Variants in RAB11FIP3 observed in about 807,000 individuals in gnomAD.
RAB11FIP3 encodes RAB11 family interacting protein 3, also known as rab11 family-interacting protein 3.
A neutral mutation model predicts 77.8 loss-of-function variants in RAB11FIP3; 17 were observed. The ratio of observed to expected loss-of-function variants is 0.22; its 90% CI spans 0.15 to 0.33. RAB11FIP3 has a LOEUF of 0.33. Among genes scored for constraint, RAB11FIP3 ranks in the 10% least tolerant of loss-of-function variants. The pLI, the probability that RAB11FIP3 is intolerant of heterozygous loss-of-function variation, is 1.00. For missense variants in RAB11FIP3, 1,005 were observed against 1,011.2 expected (o/e 0.99, Z 0.08); for synonymous variants, 437 against 448.2 (o/e 0.98, Z 0.31).
chr16:495,347 G>C (rs1402901329), intron 5 of RAB11FIP3, among the ~76,000 whole-genome samples: 2 of 152,192 alleles, frequency 1.3e-5, no homozygotes. Context: ...GGCGTGGTGG[G>C]GACACCACCG....
At chr16:496,899 G>A in intron 6 of RAB11FIP3, 40 bp downstream of exon 6, 1 of 1,506,130 alleles carries the variant, frequency 6.6e-7, no homozygotes, top group Non-Finnish European at 9.1e-7. Flanking sequence ...ACGTTCTGAA[G>A]TGGATAATTA....
At chr16:495,228 C>T (rs2031012194) in intron 5 of RAB11FIP3, among the ~76,000 whole-genome samples, 1 of 152,210 alleles carries the variant, frequency 6.6e-6, no homozygotes, top group African/African-American at 2.4e-5. Context: ...AAGAACTCTG[C>T]AGAGTGTAGG....
chr16:426,486 C>A lies in RAB11FIP3; in HGVS notation c.480C>A (p.Val160=). ...ACCGAGCGCGGGGCGAGGTCGACGTCTTCTCTCCCTTCCCCGCGCCCACGG... is the reference window on the plus strand; with the variant it reads ...ACCGAGCGCGGGGCGAGGTCGACGTATTCTCTCCCTTCCCCGCGCCCACGG... The part of the protein sequence containing the change: ...SSHRARGEVD[V]FSPFPAPTAG... Residue 160 remains valine (V), a synonymous_variant, in exon 1 of 14, where the codon GTC becomes GTA. Transcript: ENST00000262305. This position sits in a 1 kb window ranked among gnomAD's most constrained non-coding sequence, Gnocchi z 5.0. 1 of 1,580,344 alleles carries A rather than the reference C, an allele frequency of 6.3e-7. No homozygotes were observed. Among genetic ancestry groups the A allele is most frequent in the African/African-American group, 1.3e-5 (1 of 74,296 alleles).
At chr16:496,940 G>T (rs1389780133) in intron 6 of RAB11FIP3, 81 bp downstream of exon 6, 1 of 1,412,360 alleles carries the variant, frequency 7.1e-7, no homozygotes, top group Non-Finnish European at 9.9e-7. Context: ...ATTTTAAAAT[G>T]TTCTTTTCCA....
chr16:517,293 G>A (rs902872977), intron 9 of RAB11FIP3, among the ~76,000 whole-genome samples: 2 of 152,196 alleles, frequency 1.3e-5, no homozygotes, highest in African/African-American at 4.8e-5. Context: ...TGTGGGCTGG[G>A]CACGGTGGCT....
intron 9 of RAB11FIP3, among the ~76,000 whole-genome samples, chr16:515,422 G>A (rs890650274): frequency 2.6e-5 from 4 of 152,126 alleles, no homozygotes; most frequent in Non-Finnish European, 4.4e-5. Context: ...CACTCCTAAC[G>A]CAAACAACAC....
In RAB11FIP3 at chr16:522,044, T is replaced by TGTGC. The variant is rs58290701; in HGVS notation, c.*1205_*1206insGTGC. On this transcript the variant is annotated 3_prime_UTR_variant, in exon 14 of 14. Transcript: ENST00000262305. ...CGCTGCGTGTGTGTGCGCGCGCGTG[T>TGTGC]ACGTGTGGCCCCACATCCGCCGCCT... 1 of 151,732 alleles carries TGTGC rather than the reference T, an allele frequency of 6.6e-6. No homozygotes were observed. Among genetic ancestry groups the TGTGC allele is most frequent in the African/African-American group, 2.4e-5 (1 of 41,226 alleles). The allele number at this position is 151,732 out of a possible 1,614,324, so 9.4% of individuals were successfully genotyped here.
At chr16:503,841 C>A (rs2031663398) in intron 7 of RAB11FIP3, among the ~76,000 whole-genome samples, 1 of 151,812 alleles carries the variant, frequency 6.6e-6, no homozygotes, top group Admixed American at 6.6e-5. Context: ...GATTGCACGA[C>A]TGCACTCCAG....
intron 2 of RAB11FIP3, among the ~76,000 whole-genome samples, chr16:464,982 C>T (rs2055677448): frequency 6.6e-6 from 1 of 152,168 alleles, no homozygotes; most frequent in African/African-American, 2.4e-5. Context: ...TGCTTTGGTA[C>T]TTGCTGGGCC....
intron 5 of RAB11FIP3, chr16:490,985 A>G: frequency 1.4e-6 from 1 of 698,992 alleles, no homozygotes; most frequent in Non-Finnish European, 2.0e-6. Flanking sequence ...TCTAAAGGCA[A>G]GAGCCAGAAC....
At chr16:433,627 T>C (rs1193951239) in intron 1 of RAB11FIP3, among the ~76,000 whole-genome samples, 2 of 150,940 alleles carry the variant, frequency 1.3e-5, no homozygotes, top group Non-Finnish European at 2.9e-5. Context: ...GGCGGGCGGA[T>C]CACGAGGTCA....
chr16:474,942 C>T, intron 3 of RAB11FIP3: 1 of 1,547,656 alleles, frequency 6.5e-7, no homozygotes, highest in Non-Finnish European at 8.7e-7. Flanking sequence ...CCCAGCATGA[C>T]AAGCAAGTAG....
chr16:500,613 G>A (rs111950267), intron 6 of RAB11FIP3, among the ~76,000 whole-genome samples: 83 of 145,152 alleles, frequency 5.7e-4, no homozygotes, highest in South Asian at 3.7e-3. Flanking sequence ...GCTTGAACCC[G>A]GAAGGCAGAG....
intron 5 of RAB11FIP3, among the ~76,000 whole-genome samples, chr16:495,549 CAG>C (rs1473429123): frequency 6.6e-6 from 1 of 152,190 alleles, no homozygotes; most frequent in Non-Finnish European, 1.5e-5. Flanking sequence ...GAGGGCCCTG[CAG>C]AGAGTGGTCA....
In RAB11FIP3 at chr16:522,019, C is replaced by T. The variant is rs1156695935; in HGVS notation, c.*1180C>T. 2 of 69,848 alleles carry T rather than the reference C, an allele frequency of 2.9e-5. No individual in the cohort carries two copies. The highest frequency in any genetic ancestry group is 5.0e-5 in the Non-Finnish European group (2 of 39,618). The allele number at this position is 69,848 out of a possible 1,614,324, so 4.3% of individuals were successfully genotyped here. On this transcript the variant is annotated 3_prime_UTR_variant, in exon 14 of 14. Coordinates refer to ENST00000262305, the MANE Select transcript of RAB11FIP3 (RefSeq NM_014700.4). ...GACCCCATCACCAAGACTGGCCACC[C>T]GCTGCGTGTGTGTGCGCGCGCGTGT...
At chr16:492,363 T>TCCC (rs910348348) in intron 5 of RAB11FIP3, among the ~76,000 whole-genome samples, 1 of 76,164 alleles carries the variant, frequency 1.3e-5, no homozygotes, top group African/African-American at 4.8e-5. Context: ...AAGAGGGTCT[T>TCCC]CCCGGGAGAC....
At position 506,173 on chromosome 16, in the gene RAB11FIP3, G is replaced by T. The variant is rs2031866699; in HGVS notation, c.1499+546G>T. Among the ~76,000 whole-genome samples, 1 of 152,186 alleles carries T rather than the reference G, an allele frequency of 6.6e-6. No homozygotes were observed. Among genetic ancestry groups the T allele is most frequent in the Non-Finnish European group, 1.5e-5 (1 of 68,026 alleles). ...TGTTTGCAGAGAAAGAGTGGGAGCT[G>T]CTTGCCTCACTCTGGTTTGCAGACT... On this transcript the variant is annotated intron_variant, in intron 8 of 13. Coordinates refer to ENST00000262305, the MANE Select transcript of RAB11FIP3 (RefSeq NM_014700.4). The surrounding 1 kb of genome is among the most constrained non-coding windows in gnomAD (Gnocchi z 4.5).
chr16:500,302 T>G (rs1196209742), intron 6 of RAB11FIP3, among the ~76,000 whole-genome samples: 1 of 152,176 alleles, frequency 6.6e-6, no homozygotes, highest in East Asian at 1.9e-4. Flanking sequence ...CAGGTCAGGC[T>G]TTTTCCACAG....
intron 2 of RAB11FIP3, among the ~76,000 whole-genome samples, chr16:470,263 G>C (rs2055785801): frequency 6.6e-6 from 1 of 152,122 alleles, no homozygotes; most frequent in Non-Finnish European, 1.5e-5. Flanking sequence ...CTGCCAAAGT[G>C]CTGGGATTAC....
Sources: gnomAD v4.1 joint callset for allele counts (sites outside exome capture counted in the v4.1 genomes callset) on GRCh38, gnomAD v4.1.1 for gene constraint, Gnocchi (gnomAD v3.1) non-coding constraint, MANE v1.5 for transcripts, NCBI Gene and HGNC (gene_info 2026-07-23, HGNC 2026-07-21) for gene names.